The following ZNF521 variants were observed in gnomAD, a reference collection of about 807,000 sequenced individuals.
ZNF521 encodes zinc finger protein 521.
In ZNF521, 14 loss-of-function variants were observed where a neutral mutation model predicts 105.5. That is an observed-to-expected ratio of 0.13 (90% confidence interval 0.09 to 0.21). The LOEUF is 0.21. Ranked by LOEUF, ZNF521 falls within the 10% of genes least tolerant of loss-of-function variation. The pLI is 1.00. For missense variants in ZNF521, 1,233 were observed against 1,629.7 expected, an observed-to-expected ratio of 0.76 and a Z score of 4.19; for synonymous variants, 635 against 606.0, an observed-to-expected ratio of 1.05 and a Z score of -0.70.
At position 25,062,231 on chromosome 18, in the gene ZNF521, A is replaced by G. The variant is rs1336756926; in HGVS notation, c.*481T>C. The G allele has an allele frequency of 9.2e-6, 2 of 217,880 alleles. No homozygotes were observed. Among genetic ancestry groups the G allele is most frequent in the African/African-American group, 4.5e-5 (2 of 44,070 alleles). 13.5% of individuals were successfully genotyped at this position (217,880 alleles called of 1,614,324 possible). A position where few individuals can be genotyped will look rare whatever the true frequency, so the allele number is the denominator to read the frequency against. On this transcript the variant is annotated 3_prime_UTR_variant, in exon 8 of 8. Coordinates refer to ENST00000361524, the MANE Select transcript of ZNF521 (RefSeq NM_015461.3). ...AGCTGTGGGGTTCTGTTCTGTGAGA[A>G]CATCTCTTCATGGTTTGCAAGAATC...
chr18:25,115,096 G>A (rs768786401), intron 5 of ZNF521, among the ~76,000 whole-genome samples: 20 of 152,144 alleles, frequency 1.3e-4, no homozygotes, highest in South Asian at 2.1e-4. Flanking sequence ...AGACAGTGAA[G>A]GCATCCATTT....
intron 3 of ZNF521, among the ~76,000 whole-genome samples, chr18:25,308,661 C>T (rs990711699): frequency 4.9e-5 from 7 of 142,878 alleles, no homozygotes; most frequent in Non-Finnish European, 1.5e-5. Flanking sequence ...CCCCCCCCCC[C>T]ACCCGCCACA....
chr18:25,143,372 G>C (rs1170916558), intron 5 of ZNF521, among the ~76,000 whole-genome samples: 1 of 152,138 alleles, frequency 6.6e-6, no homozygotes, highest in Non-Finnish European at 1.5e-5. Flanking sequence ...GTAGATGTTT[G>C]CTTTCAGGAG....
chr18:25,184,811 C>T (rs1200575274), intron 5 of ZNF521, among the ~76,000 whole-genome samples: 1 of 152,162 alleles, frequency 6.6e-6, no homozygotes, highest in African/African-American at 2.4e-5. Flanking sequence ...AATAAATGGA[C>T]ACAGGTACTA....
rs72891938 is a variant in ZNF521 at position 25,144,678 on chromosome 18, A to C, written c.3658+50482T>G. On this transcript the variant is annotated intron_variant, in intron 5 of 7. Transcript: ENST00000361524. ...GTAGTTATCTATGATTAAGGCTTTA[A>C]AGAAAAAAAAAATCAAAGAAACCAA... 7.5e-3 allele frequency among the ~76,000 whole-genome samples: 1,129 copies of C among 150,490 alleles called. 3 individuals carry two copies. The highest frequency in any genetic ancestry group is 0.012 in the Non-Finnish European group (799 of 68,024).
At chr18:25,158,136 C>T (rs1600102103) in intron 5 of ZNF521, among the ~76,000 whole-genome samples, 2 of 151,978 alleles carry the variant, frequency 1.3e-5, no homozygotes, top group East Asian at 3.9e-4. Context: ...GTTGTGGTTT[C>T]GTTAAATACT....
At chr18:25,212,012 T>A (rs1188511734) in intron 4 of ZNF521, among the ~76,000 whole-genome samples, 1 of 152,182 alleles carries the variant, frequency 6.6e-6, no homozygotes, top group African/African-American at 2.4e-5. Flanking sequence ...TAATATCCTT[T>A]TTGGAGAAAT....
chr18:25,212,250 G>A (rs1055401541), intron 4 of ZNF521, among the ~76,000 whole-genome samples: 5 of 151,402 alleles, frequency 3.3e-5, no homozygotes, highest in Admixed American at 6.6e-5. Flanking sequence ...GGTGGCTCAC[G>A]CCTGTAATCC....
intron 7 of ZNF521, among the ~76,000 whole-genome samples, chr18:25,082,433 G>C (rs189426412): frequency 5.8e-4 from 88 of 152,284 alleles, no homozygotes; most frequent in East Asian, 4.4e-3. Flanking sequence ...GCCAGATCTA[G>C]ATGTGGTGAT....
chr18:25,089,246 T>C (rs1166880963), intron 7 of ZNF521, among the ~76,000 whole-genome samples: 3 of 152,340 alleles, frequency 2.0e-5, no homozygotes, highest in South Asian at 2.1e-4. Flanking sequence ...GGTCCAATTA[T>C]AGGTCTGTTC....
intron 3 of ZNF521, among the ~76,000 whole-genome samples, chr18:25,269,013 G>T (rs2144930593): frequency 6.6e-6 from 1 of 151,614 alleles, no homozygotes; most frequent in South Asian, 2.1e-4. Flanking sequence ...AGACCCATTG[G>T]TGTGCTGTAT....
At chr18:25,172,241 T>C (rs2144562574) in intron 5 of ZNF521, among the ~76,000 whole-genome samples, 1 of 152,246 alleles carries the variant, frequency 6.6e-6, no homozygotes, top group Admixed American at 6.5e-5. Flanking sequence ...CCTCCTAGGA[T>C]TAGCTTCTAA....
intron 3 of ZNF521, among the ~76,000 whole-genome samples, chr18:25,229,393 T>C (rs1401988957): frequency 6.6e-6 from 1 of 152,220 alleles, no homozygotes; most frequent in Non-Finnish European, 1.5e-5. Context: ...GAAAACCGCA[T>C]GATTTTGCAT....
intron 5 of ZNF521, among the ~76,000 whole-genome samples, chr18:25,142,756 T>C (rs1035940392): frequency 1.3e-5 from 1 of 77,530 alleles, no homozygotes; most frequent in African/African-American, 6.8e-5. Flanking sequence ...TTCCCTTTTG[T>C]AAGTTATTTT....
At chr18:25,121,363 T>G (rs890893747) in intron 5 of ZNF521, among the ~76,000 whole-genome samples, 5 of 150,990 alleles carry the variant, frequency 3.3e-5, no homozygotes, top group African/African-American at 1.2e-4. Context: ...CAAGCAATTC[T>G]CCTGCCTCAG....
intron 3 of ZNF521, among the ~76,000 whole-genome samples, chr18:25,234,147 G>A (rs1906721045): frequency 1.3e-5 from 2 of 152,024 alleles, no homozygotes; most frequent in South Asian, 4.2e-4. Context: ...CTATCTTTTG[G>A]CTCACTTAAA....
chr18:25,170,241 T>C (rs747954128), intron 5 of ZNF521, among the ~76,000 whole-genome samples: 5 of 152,078 alleles, frequency 3.3e-5, no homozygotes, highest in Admixed American at 6.6e-5. Context: ...TTGGAAAATC[T>C]TCACTAACCT....
chr18:25,163,863 T>A (rs1260235799), intron 5 of ZNF521, among the ~76,000 whole-genome samples: 1 of 152,182 alleles, frequency 6.6e-6, no homozygotes, highest in Non-Finnish European at 1.5e-5. Context: ...AGGTTCCTTT[T>A]CGGAACAGGG....
chr18:25,290,049 T>C (rs906183443), intron 3 of ZNF521, among the ~76,000 whole-genome samples: 3 of 152,208 alleles, frequency 2.0e-5, no homozygotes, highest in African/African-American at 4.8e-5. Flanking sequence ...TGAAATGTTA[T>C]ACAATTTGCT....
Sources: allele counts gnomAD v4.1 joint callset (sites outside exome capture counted in the v4.1 genomes callset), GRCh38; gene constraint gnomAD v4.1.1; transcripts MANE v1.5; gene names NCBI Gene and HGNC (gene_info 2026-07-23, HGNC 2026-07-21).